PAG1: variants seen among roughly 807,000 people sequenced by gnomAD.
The protein encoded by PAG1 is phosphoprotein associated with glycosphingolipid-enriched microdomains 1.
Under a neutral mutation model 31.7 loss-of-function variants are expected in PAG1, and 23 were observed. The observed-to-expected ratio is 0.73, with a 90% CI of 0.52 to 1.03. PAG1 has a LOEUF of 1.03. Among genes scored for constraint, PAG1 ranks in the 50% least tolerant of loss-of-function variants. The pLI, the probability that PAG1 is intolerant of heterozygous loss-of-function variation, is 0.00. For synonymous variants in PAG1, 214 were observed against 210.3 expected, an observed-to-expected ratio of 1.02 and a Z score of -0.15; for missense variants, 473 against 540.7, an observed-to-expected ratio of 0.87 and a Z score of 1.24.
chr8:80,979,334 G>A (rs1371532068), intron 8 of PAG1, among the ~76,000 whole-genome samples: 2 of 152,244 alleles, frequency 1.3e-5, no homozygotes, highest in East Asian at 3.8e-4. Context: ...GGATCAGCAG[G>A]AGGGGACTGC....
chr8:81,098,318 C>G (rs908852615), intron 1 of PAG1, among the ~76,000 whole-genome samples: 10 of 152,236 alleles, frequency 6.6e-5, no homozygotes, highest in African/African-American at 1.9e-4. Context: ...TCTTTAATGT[C>G]TTGGTTTGGA....
At chr8:81,064,854 A>G (rs1057111588) in intron 2 of PAG1, among the ~76,000 whole-genome samples, 1 of 152,230 alleles carries the variant, frequency 6.6e-6, no homozygotes, top group African/African-American at 2.4e-5. Context: ...GAGGCTGATG[A>G]GGCAAAGGAG....
At chr8:81,020,016 T>G (rs1363799215) in intron 3 of PAG1, among the ~76,000 whole-genome samples, 2 of 152,158 alleles carry the variant, frequency 1.3e-5, no homozygotes, top group African/African-American at 4.8e-5. Context: ...CAAAGGTCAT[T>G]TTAAGGTTTA....
chr8:80,976,389 T>C lies in PAG1; in HGVS notation c.*155A>G. Reference sequence around the variant, plus strand: ...GTCCGTACCTCTCTGTCTCAGAAACTGAACAACTGGGAGAACAGTCGACAG... The same window carrying C: ...GTCCGTACCTCTCTGTCTCAGAAACCGAACAACTGGGAGAACAGTCGACAG... On this transcript the variant is annotated 3_prime_UTR_variant, in exon 9 of 9. Transcript: ENST00000220597. 1.3e-6 allele frequency: 1 copy of C among 741,068 alleles called. No homozygotes were observed. The highest frequency in any genetic ancestry group is 2.2e-6 in the Non-Finnish European group (1 of 462,996). 45.9% of individuals were successfully genotyped at this position (741,068 alleles called of 1,614,324 possible).
chr8:81,052,435 CT>C (rs1280315919), intron 2 of PAG1, among the ~76,000 whole-genome samples: 4 of 152,276 alleles, frequency 2.6e-5, no homozygotes, highest in African/African-American at 9.6e-5. Flanking sequence ...TAACTACTTA[CT>C]TTTTTTCTTC....
rs1241536530 is a variant in PAG1, at chr8:80,985,266, T to C, written c.386A>G (p.Gln129Arg). 3 of 1,614,082 alleles carry C rather than the reference T, an allele frequency of 1.9e-6. No individual in the cohort carries two copies. Among genetic ancestry groups the C allele is most frequent in the Non-Finnish European group, 2.5e-6 (3 of 1,180,046 alleles). ...QDSTGKPKCH[Q>R]SRELPRIPPE... ...AGGGATTCTGGGCAGCTCCCGACTC[T>C]GATGACATTTTGGTTTCCCTGTGCT... The change falls in exon 7 of 9, where the codon CAG becomes CGG. Residue 129 changes from glutamine (Q) to arginine (R), a missense_variant. By Grantham distance (43) the Gln-to-Arg change is conservative. Transcript: ENST00000220597.
intron 3 of PAG1, among the ~76,000 whole-genome samples, chr8:81,025,562 G>A (rs1430667203): frequency 6.6e-6 from 1 of 152,094 alleles, no homozygotes; most frequent in Admixed American, 6.5e-5. Context: ...CTGGCAGGTC[G>A]TGCTACACCA....
chr8:81,107,264 T>G (rs1028318964), intron 1 of PAG1, among the ~76,000 whole-genome samples: 2 of 152,216 alleles, frequency 1.3e-5, no homozygotes, highest in Non-Finnish European at 2.9e-5. Context: ...TGTCAATTCC[T>G]GCTCCTGGCA....
intron 2 of PAG1, chr8:81,067,877 T>C (rs1809032012): frequency 6.6e-6 from 1 of 152,204 alleles, no homozygotes; most frequent in South Asian, 2.1e-4. Flanking sequence ...ACTTATTTGT[T>C]AATTCAGCTT....
chr8:81,027,720 A>G (rs1248739289), intron 3 of PAG1, among the ~76,000 whole-genome samples: 1 of 152,100 alleles, frequency 6.6e-6, no homozygotes, highest in Non-Finnish European at 1.5e-5. Context: ...CCTGGCTAAC[A>G]TGGTGAAACC....
chr8:81,068,937 G>A (rs951006091), intron 2 of PAG1, among the ~76,000 whole-genome samples: 2 of 152,180 alleles, frequency 1.3e-5, no homozygotes, highest in African/African-American at 4.8e-5. Flanking sequence ...ATGTGTGTAA[G>A]GCGAGCAGCT....
chr8:80,991,693 C>T (rs1000217545), intron 4 of PAG1, among the ~76,000 whole-genome samples, 163 bp from the exon 5 acceptor site: 4 of 152,030 alleles, frequency 2.6e-5, no homozygotes, highest in South Asian at 4.1e-4. Flanking sequence ...TTTGATGGCC[C>T]GTTTGCAGGT....
chr8:81,090,799 A>G (rs776252830), intron 1 of PAG1, among the ~76,000 whole-genome samples: 15 of 151,850 alleles, frequency 9.9e-5, no homozygotes, highest in Admixed American at 3.9e-4. Flanking sequence ...AATGCAAGAA[A>G]TGAGGCTGAC....
intron 1 of PAG1, among the ~76,000 whole-genome samples, chr8:81,082,269 A>G (rs1408518271): frequency 2.6e-4 from 40 of 151,166 alleles, no homozygotes; most frequent in South Asian, 8.4e-4. Context: ...AAAAAAAAAA[A>G]AAAAGAAAAG....
intron 1 of PAG1, among the ~76,000 whole-genome samples, chr8:81,086,894 C>A (rs1470366234): frequency 6.6e-6 from 1 of 152,072 alleles, no homozygotes; most frequent in East Asian, 1.9e-4. Context: ...CTGATATAAC[C>A]ACATTGAAAA....
Position 80,967,832 on chromosome 8 carries a change from T to A in PAG1, c.*8712A>T, listed in dbSNP as rs1806993485. 1 of 152,002 alleles carries A rather than the reference T, an allele frequency of 6.6e-6. No individual in the cohort carries two copies. The highest frequency in any genetic ancestry group is 1.5e-5 in the Non-Finnish European group (1 of 68,050). The allele number at this position is 152,002 out of a possible 1,614,324, so 9.4% of individuals were successfully genotyped here. ...GCCTTTATGTAAAACTGACTTTTAT[T>A]ACAATTAAAAAAGAACAAAGACAAT... On this transcript the variant is annotated 3_prime_UTR_variant, in exon 9 of 9. Transcript: ENST00000220597.
chr8:81,106,999 T>A (rs1364365488), intron 1 of PAG1, among the ~76,000 whole-genome samples: 1 of 152,180 alleles, frequency 6.6e-6, no homozygotes, highest in Non-Finnish European at 1.5e-5. Context: ...TAAATAAACT[T>A]ATTTTTCTTT....
intron 2 of PAG1, among the ~76,000 whole-genome samples, chr8:81,057,701 G>A (rs977455038): frequency 1.4e-4 from 21 of 152,032 alleles, no homozygotes; most frequent in Non-Finnish European, 2.9e-4. Flanking sequence ...TGTACCCTAG[G>A]ACTTAAAGTA....
chr8:81,061,953 C>A (rs1308705011), intron 2 of PAG1, among the ~76,000 whole-genome samples: 2 of 152,092 alleles, frequency 1.3e-5, no homozygotes, highest in Non-Finnish European at 2.9e-5. Flanking sequence ...TGGGAGGGAG[C>A]AGTTTAGTCT....
Sources: gnomAD v4.1 joint callset for allele counts (sites outside exome capture counted in the v4.1 genomes callset) on GRCh38, gnomAD v4.1.1 for gene constraint, MANE v1.5 for transcripts, NCBI Gene and HGNC (gene_info 2026-07-23, HGNC 2026-07-21) for gene names.